The following HIPK1 variants were observed in gnomAD, a reference collection of about 807,000 sequenced individuals.
HIPK1 encodes the protein homeodomain interacting protein kinase 1.
In HIPK1, 28 loss-of-function variants were observed where a neutral mutation model predicts 117.1. The observed-to-expected ratio is 0.24, with a 90% CI of 0.18 to 0.33. The LOEUF (loss-of-function observed/expected upper bound fraction) is 0.33, where lower values mean the gene tolerates loss of function less well. HIPK1 is among the 10% of genes least tolerant of loss of function. HIPK1 has a pLI of 1.00. For missense variants in HIPK1, 1,122 were observed against 1,475.1 expected, an observed-to-expected ratio of 0.76 and a Z score of 3.92; for synonymous variants, 605 against 562.5, an observed-to-expected ratio of 1.08 and a Z score of -1.07.
Position 113,940,944 on chromosome 1 carries a change from C to CA in HIPK1, c.563dup (p.Asn188LysfsTer2). The CA allele has an allele frequency of 6.2e-7, 1 of 1,614,120 alleles. No individual in the cohort carries two copies. On this transcript the variant is annotated frameshift_variant, in exon 2 of 16. Transcript: ENST00000426820. LOFTEE classifies it high-confidence loss of function. ...AGCATGAGATCCTTTGCTCTATGACCAATAGCTATGAAGTCTTGGAGTTCC... is the reference window on the plus strand; with the variant it reads ...AGCATGAGATCCTTTGCTCTATGACCAAATAGCTATGAAGTCTTGGAGTTCC...
In HIPK1 at chr1:113,951,113, A is replaced by G. The variant is rs948097735; in HGVS notation, c.1077-1653A>G. ...TGTTGTAAGGATTAAGTGACTCAACATTTATAAAGAACTTAGAACAGTGCA... is the reference window on the plus strand; with the variant it reads ...TGTTGTAAGGATTAAGTGACTCAACGTTTATAAAGAACTTAGAACAGTGCA... On this transcript the variant is annotated intron_variant, in intron 2 of 15. Transcript: ENST00000426820. 3 of 493,056 alleles carry G rather than the reference A, an allele frequency of 6.1e-6. No homozygotes were observed. The African/African-American group carries it at 6.3e-5, about 10-fold the overall frequency. 30.5% of individuals were successfully genotyped at this position (493,056 alleles called of 1,614,324 possible). A position where few individuals can be genotyped will look rare whatever the true frequency, so the allele number is the denominator to read the frequency against.
In HIPK1 at chr1:113,941,409, TCACGTTTC is replaced by T; in HGVS notation, c.1029_1036del (p.His343GlnfsTer17). Reference sequence around the variant, plus strand: ...AGGTCATTGACTTTGGTTCTGCTAGTCACGTTTCCAAAGCTGTGTGCTCAACCTACTTA... The same window carrying T: ...AGGTCATTGACTTTGGTTCTGCTAGTCAAAGCTGTGTGCTCAACCTACTTA... On this transcript the variant is annotated frameshift_variant, in exon 2 of 16. Coordinates refer to ENST00000426820, the MANE Select transcript of HIPK1 (RefSeq NM_198268.3). LOFTEE classifies it high-confidence loss of function. The surrounding 1 kb of genome is among the most constrained non-coding windows in gnomAD (Gnocchi z 4.9). 6.2e-7 allele frequency: 1 copy of T among 1,614,230 alleles called. No individual in the cohort carries two copies. Among genetic ancestry groups the T allele is most frequent in the Non-Finnish European group, 8.5e-7 (1 of 1,180,036 alleles).
At chr1:113,932,809 G>T (rs1489781461) in intron 1 of HIPK1, among the ~76,000 whole-genome samples, 1 of 151,922 alleles carries the variant, frequency 6.6e-6, no homozygotes, top group Non-Finnish European at 1.5e-5. Context: ...TACTCTACAC[G>T]GTTTTTTATT....
At chr1:113,930,213 T>A (rs1406205809) in intron 1 of HIPK1, among the ~76,000 whole-genome samples, 1 of 152,262 alleles carries the variant, frequency 6.6e-6, no homozygotes, top group African/African-American at 2.4e-5. Context: ...CTGGGCGTGT[T>A]GTCCTTAAGT....
In HIPK1 at chr1:113,957,204, C is replaced by T; in HGVS notation, c.1673C>T (p.Pro558Leu). Residue 558 changes from proline (P) to leucine (L), a missense_variant, in exon 7 of 16, where the codon CCC becomes CTC. Physicochemically the swap from Pro to Leu is moderately conservative, Grantham distance 98. Transcript: ENST00000426820. Reference sequence around the variant, plus strand: ...GATACAGTGAGTCAGATCAAGAGTCCCTTCACTACACATGTTGCCCCAAAT... The same window carrying T: ...GATACAGTGAGTCAGATCAAGAGTCTCTTCACTACACATGTTGCCCCAAAT... ...MYDTVSQIKS[P>L]FTTHVAPNTS... 6.2e-7 allele frequency: 1 copy of T among 1,613,126 alleles called. No individual in the cohort carries two copies. Among genetic ancestry groups the T allele is most frequent in the South Asian group, 1.1e-5 (1 of 91,052 alleles).
chr1:113,958,336 A>G (rs1401550632), intron 8 of HIPK1, 45 bp downstream of exon 8: 11 of 1,347,654 alleles, frequency 8.2e-6, no homozygotes, highest in Non-Finnish European at 1.2e-5. Context: ...TATCAGACCT[A>G]CCTGCTTTAG....
intron 9 of HIPK1, 43 bp downstream of exon 9, chr1:113,962,481 T>TA: frequency 6.3e-7 from 1 of 1,583,764 alleles, no homozygotes; most frequent in Non-Finnish European, 8.6e-7. Flanking sequence ...TGCTAAACAC[T>TA]ATTGAGATTC....
intron 4 of HIPK1, among the ~76,000 whole-genome samples, chr1:113,955,284 T>C (rs2101329123): frequency 6.6e-6 from 1 of 152,374 alleles, no homozygotes; most frequent in Non-Finnish European, 1.5e-5. Context: ...TATTTGAAAG[T>C]AGCTTTAAGA....
Position 113,970,042 on chromosome 1 carries a change from A to C in HIPK1, c.2858A>C (p.Tyr953Ser), listed in dbSNP as rs765463762. 4 of 1,614,066 alleles carry C rather than the reference A, an allele frequency of 2.5e-6. No homozygotes were observed. In the African/African-American group the frequency reaches 5.3e-5, roughly 22 times the overall value. ...PDSDSSLSSP[Y>S]STDTLSALRG... ...TCTGACTCTTCTTTGAGCAGCCCTTATTCCACTGATACCCTGAGTGCTCTC... is the reference window on the plus strand; with the variant it reads ...TCTGACTCTTCTTTGAGCAGCCCTTCTTCCACTGATACCCTGAGTGCTCTC... The change falls in exon 14 of 16, where the codon TAT becomes TCT. Residue 953 changes from tyrosine to serine, a missense_variant. By Grantham distance (144) the Tyr-to-Ser change is moderately radical. Coordinates refer to ENST00000426820, the MANE Select transcript of HIPK1 (RefSeq NM_198268.3).
chr1:113,965,914 G>C (rs1056942710), intron 10 of HIPK1, among the ~76,000 whole-genome samples: 1 of 152,144 alleles, frequency 6.6e-6, no homozygotes, highest in African/African-American at 2.4e-5. Context: ...CGGGTGGTCA[G>C]GTTATGGGGG....
Position 113,944,300 on chromosome 1 carries a change from A to G in HIPK1, c.1076+2841A>G, listed in dbSNP as rs1031119649. On this transcript the variant is annotated intron_variant, in intron 2 of 15. Transcript: ENST00000426820. ...TGCCTCAGCCTCCCGAGTAGCTGGG[A>G]TTACAGGTGCCTGCCACCACACCCA... 6.2e-5 allele frequency among the ~76,000 whole-genome samples: 9 copies of G among 145,632 alleles called. No individual in the cohort carries two copies. In the South Asian group the frequency reaches 8.7e-4, roughly 14 times the overall value.
At chr1:113,932,744 A>G (rs1304607424) in intron 1 of HIPK1, among the ~76,000 whole-genome samples, 4 of 152,044 alleles carry the variant, frequency 2.6e-5, no homozygotes. Flanking sequence ...TTTTATCTGT[A>G]AGAGTTCCAG....
intron 2 of HIPK1, among the ~76,000 whole-genome samples, chr1:113,945,921 T>A (rs1017991279): frequency 6.6e-6 from 1 of 152,230 alleles, no homozygotes; most frequent in African/African-American, 2.4e-5. Context: ...GATGAATCTG[T>A]AGATGACTTT....
chr1:113,940,281 T>G, intron 1 of HIPK1, 101 bp from the exon 2 acceptor site: 2 of 1,079,604 alleles, frequency 1.9e-6, no homozygotes, highest in Non-Finnish European at 2.7e-6. Context: ...ACATCATGTT[T>G]CTTTTATCAA....
intron 1 of HIPK1, 30 bp downstream of exon 1, chr1:113,929,562 A>C: frequency 1.6e-6 from 2 of 1,273,140 alleles, no homozygotes; most frequent in South Asian, 2.5e-5. Flanking sequence ...GCGGGTGAAT[A>C]GTTCCGGCGA....
intron 14 of HIPK1, 45 bp from the exon 15 acceptor site, chr1:113,971,779 C>T: frequency 6.4e-7 from 1 of 1,567,734 alleles, no homozygotes; most frequent in Non-Finnish European, 8.6e-7. Context: ...CTGAGGTTAG[C>T]TCAGTGATGT....
chr1:113,958,033 A>G lies in HIPK1; in HGVS notation c.1756-33A>G, dbSNP rs758996669. The G allele has an allele frequency of 1.9e-5, 27 of 1,420,558 alleles. 1 individual carries two copies. The South Asian group carries it at 3.1e-4, about 16-fold the overall frequency. 88.0% of individuals were successfully genotyped at this position (1,420,558 alleles called of 1,614,324 possible). ...AAATTATTGTGTGTCTCTACTTAATACAAGTGTACAAATATAATCCTTTTG... is the reference window on the plus strand; with the variant it reads ...AAATTATTGTGTGTCTCTACTTAATGCAAGTGTACAAATATAATCCTTTTG... On this transcript the variant is annotated intron_variant, in intron 7 of 15. Coordinates refer to ENST00000426820, the MANE Select transcript of HIPK1 (RefSeq NM_198268.3).
At chr1:113,942,725 C>G (rs1050723362) in intron 2 of HIPK1, among the ~76,000 whole-genome samples, 2 of 152,116 alleles carry the variant, frequency 1.3e-5, no homozygotes, top group African/African-American at 4.8e-5. Flanking sequence ...TATGTAAATG[C>G]TGATATATAC....
chr1:113,955,631 C>T lies in HIPK1; in HGVS notation c.1389C>T (p.Cys463=). 6.3e-7 allele frequency: 1 copy of T among 1,598,452 alleles called. No homozygotes were observed. Among genetic ancestry groups the T allele is most frequent in the Non-Finnish European group, 8.6e-7 (1 of 1,166,360 alleles). ...AAGCTCGGAAGTACATTTTTAATTG[C>T]TTAGATGACATGGCTCAGGTGAGTA... The part of the protein sequence containing the change: ...SKEARKYIFN[C]LDDMAQVNMS... The change falls in exon 5 of 16, where the codon TGC becomes TGT. Residue 463 remains cysteine (C), a synonymous_variant. Transcript: ENST00000426820.
Sources: allele counts gnomAD v4.1 joint callset (sites outside exome capture counted in the v4.1 genomes callset), GRCh38; gene constraint gnomAD v4.1.1; non-coding constraint Gnocchi (gnomAD v3.1); transcripts MANE v1.5; gene names NCBI Gene and HGNC (gene_info 2026-07-23, HGNC 2026-07-21).